The following CTNNA2 variants were observed in gnomAD, a reference collection of about 807,000 sequenced individuals.
CTNNA2 encodes the protein catenin alpha 2.
CTNNA2 carries 42 observed loss-of-function variants against 101.0 expected under a neutral mutation model. That is an observed-to-expected ratio of 0.42 (90% CI 0.32 to 0.54). CTNNA2 has a LOEUF of 0.54. Ranked by LOEUF, CTNNA2 falls within the 20% of genes least tolerant of loss-of-function variation. The pLI, the probability that CTNNA2 is intolerant of heterozygous loss-of-function variation, is 0.14. For missense variants in CTNNA2, 871 were observed against 1,223.1 expected, an observed-to-expected ratio of 0.71 and a Z score of 4.29; for synonymous variants, 450 against 456.4, an observed-to-expected ratio of 0.99 and a Z score of 0.18.
chr2:80,203,910 C>T (rs1049433543), intron 7 of CTNNA2, among the ~76,000 whole-genome samples: 2 of 152,180 alleles, frequency 1.3e-5, no homozygotes, highest in African/African-American at 4.8e-5. Flanking sequence ...GCGGAGGTTC[C>T]CAAATCCCAA....
At chr2:80,586,810 A>G (rs1345603035) in intron 14 of CTNNA2, among the ~76,000 whole-genome samples, 1 of 152,200 alleles carries the variant, frequency 6.6e-6, no homozygotes, top group Non-Finnish European at 1.5e-5. Context: ...AAACATACAT[A>G]CACATGCTAT....
At chr2:79,832,572 C>T (rs942767963) in intron 3 of CTNNA2, among the ~76,000 whole-genome samples, 2 of 152,120 alleles carry the variant, frequency 1.3e-5, no homozygotes, top group Admixed American at 1.3e-4. Context: ...TGGCCATTAT[C>T]TTTATATGGA....
At chr2:80,472,044 T>C (rs1685348422) in intron 9 of CTNNA2, among the ~76,000 whole-genome samples, 2 of 152,016 alleles carry the variant, frequency 1.3e-5, no homozygotes, top group Admixed American at 6.6e-5. Flanking sequence ...GGAAAATTAC[T>C]TGAATCTGGG....
intron 7 of CTNNA2, among the ~76,000 whole-genome samples, chr2:80,111,448 C>T (rs1016337989): frequency 3.3e-5 from 5 of 152,318 alleles, no homozygotes; most frequent in African/African-American, 1.2e-4. Context: ...CCTCTCTGGC[C>T]AGTCACTTCA....
chr2:79,386,282 T>G (rs1352684705), intron 4 of CTNNA2, among the ~76,000 whole-genome samples: 1 of 152,194 alleles, frequency 6.6e-6, no homozygotes, highest in Non-Finnish European at 1.5e-5. Flanking sequence ...TGGGCCCACT[T>G]TAACTGCTAA....
intron 7 of CTNNA2, among the ~76,000 whole-genome samples, chr2:80,133,630 G>A (rs763013397): frequency 6.6e-6 from 1 of 152,134 alleles, no homozygotes; most frequent in East Asian, 1.9e-4. Flanking sequence ...ATTTGCATGT[G>A]TATAGAAAAA....
At chr2:79,585,804 T>A (rs1446168792) in intron 1 of CTNNA2, among the ~76,000 whole-genome samples, 1 of 151,262 alleles carries the variant, frequency 6.6e-6, no homozygotes, top group East Asian at 2.0e-4. Context: ...ACATTGCAGG[T>A]CCCTTCAGTA....
rs571920469 is a variant in CTNNA2 at position 80,213,027 on chromosome 2, GT to G, written c.1057-180183del. Among the ~76,000 whole-genome samples the G allele has an allele frequency of 7.2e-5, 11 of 152,126 alleles. No homozygotes were observed. The South Asian group carries it at 2.3e-3, about 32-fold the overall frequency. On this transcript the variant is annotated intron_variant, in intron 7 of 18. Transcript: ENST00000402739. ...GAGGTGTTTATAGTATTCTCTGATG[GT>G]AGTTTGTATCTCTGTGGGATCAGTG...
chr2:79,657,941 C>T (rs1168109538), intron 2 of CTNNA2, among the ~76,000 whole-genome samples: 1 of 151,526 alleles, frequency 6.6e-6, no homozygotes, highest in Non-Finnish European at 1.5e-5. Flanking sequence ...TGGAAAAGGA[C>T]TAATAAAGCC....
intron 3 of CTNNA2, among the ~76,000 whole-genome samples, chr2:79,797,679 AT>A (rs1473399492): frequency 6.6e-6 from 1 of 150,564 alleles, no homozygotes; most frequent in Non-Finnish European, 1.5e-5. Flanking sequence ...AAAAAAAAAA[AT>A]GATTGGCTTA....
intron 7 of CTNNA2, among the ~76,000 whole-genome samples, chr2:80,227,407 G>A (rs982860048): frequency 2.0e-5 from 3 of 152,182 alleles, no homozygotes; most frequent in Non-Finnish European, 4.4e-5. Context: ...TGAAGCACTG[G>A]AAGCTTGTCC....
At chr2:80,444,316 CT>C (rs1682879003) in intron 9 of CTNNA2, among the ~76,000 whole-genome samples, 1 of 152,148 alleles carries the variant, frequency 6.6e-6, no homozygotes, top group African/African-American at 2.4e-5. Flanking sequence ...AAGGAGACTA[CT>C]TCTGCTAGGC....
At chr2:79,469,637 A>AC (rs1670977214) in intron 4 of CTNNA2, among the ~76,000 whole-genome samples, 1 of 152,232 alleles carries the variant, frequency 6.6e-6, no homozygotes, top group Non-Finnish European at 1.5e-5. Context: ...TCAATAAAAT[A>AC]CTGGCAAACC....
At chr2:80,488,563 A>G (rs907416419) in intron 9 of CTNNA2, among the ~76,000 whole-genome samples, 1 of 152,194 alleles carries the variant, frequency 6.6e-6, no homozygotes, top group Non-Finnish European at 1.5e-5. Flanking sequence ...AGTTAAAATC[A>G]ATGCTATTTC....
At chr2:79,840,328 T>C (rs1170862951) in intron 3 of CTNNA2, among the ~76,000 whole-genome samples, 1 of 152,234 alleles carries the variant, frequency 6.6e-6, no homozygotes, top group East Asian at 1.9e-4. Flanking sequence ...CAAGACATTC[T>C]CCTATTCCTT....
At chr2:80,586,901 G>A (rs538801016) in intron 14 of CTNNA2, among the ~76,000 whole-genome samples, 4 of 152,290 alleles carry the variant, frequency 2.6e-5, no homozygotes, top group African/African-American at 9.6e-5. Flanking sequence ...CGGGTTCAAG[G>A]ATACCTTTAG....
rs190324191 is a variant in CTNNA2, at chr2:80,242,641, A to C, written c.1057-150570A>C. Among the ~76,000 whole-genome samples the C allele has an allele frequency of 1.4e-4, 21 of 152,294 alleles. No individual in the cohort carries two copies. The East Asian group carries it at 2.9e-3, about 21-fold the overall frequency. Reference sequence around the variant, plus strand: ...TTGCGCTGCAGCAGGAAACGTTTACATCTGTCCCAGCCCTCACTGTCTAAG... The same window carrying C: ...TTGCGCTGCAGCAGGAAACGTTTACCTCTGTCCCAGCCCTCACTGTCTAAG... On this transcript the variant is annotated intron_variant, in intron 7 of 18. Transcript: ENST00000402739.
rs1045333715 is a variant in CTNNA2 at position 79,494,245 on chromosome 2, A to C, written c.-134-10809A>C. Among the ~76,000 whole-genome samples the C allele has an allele frequency of 2.6e-5, 4 of 151,104 alleles. No individual in the cohort carries two copies. In the Admixed American group the frequency reaches 2.6e-4, roughly 10 times the overall value. ...CATCCCAAACTTATCTGCAGATTCAAATCAAATCCTTTAAAAATTCCCAGC... is the reference window on the plus strand; with the variant it reads ...CATCCCAAACTTATCTGCAGATTCACATCAAATCCTTTAAAAATTCCCAGC... On this transcript the variant is annotated intron_variant, in intron 4 of 21. Transcript: ENST00000466387.
intron 12 of CTNNA2, among the ~76,000 whole-genome samples, chr2:80,559,891 T>TATATATACACAC (rs1553387588): frequency 6.1e-5 from 9 of 146,818 alleles, no homozygotes; most frequent in African/African-American, 2.4e-4. Context: ...TATATATATA[T>TATATATACACAC]ACACACACAT....
Sources: allele counts gnomAD v4.1 joint callset (sites outside exome capture counted in the v4.1 genomes callset), GRCh38; gene constraint gnomAD v4.1.1; transcripts MANE v1.5; gene names NCBI Gene and HGNC (gene_info 2026-07-23, HGNC 2026-07-21).